The following TBCD variants were observed in gnomAD, a reference collection of about 807,000 sequenced individuals.
TBCD encodes the protein tubulin folding cofactor D.
Under a neutral mutation model 169.3 loss-of-function variants are expected in TBCD, and 105 were observed. The ratio of observed to expected loss-of-function variants is 0.62; its 90% CI spans 0.53 to 0.73. The LOEUF (loss-of-function observed/expected upper bound fraction) is 0.73, where lower values mean the gene tolerates loss of function less well. TBCD is among the 30% of genes least tolerant of loss of function. The pLI, the probability that TBCD is intolerant of heterozygous loss-of-function variation, is 0.00. For missense variants in TBCD, 1,444 were observed against 1,600.1 expected, an observed-to-expected ratio of 0.90 and a Z score of 1.66; for synonymous variants, 700 against 643.9, an observed-to-expected ratio of 1.09 and a Z score of -1.32.
rs749040277 is a variant in TBCD at position 82,930,794 on chromosome 17, A to G, written c.3113+151A>G. Among the ~76,000 whole-genome samples, 2 of 152,210 alleles carry G rather than the reference A, an allele frequency of 1.3e-5. No homozygotes were observed. Among genetic ancestry groups the G allele is most frequent in the Non-Finnish European group, 2.9e-5 (2 of 68,022 alleles). On this transcript the variant is annotated intron_variant, in intron 33 of 38. Coordinates refer to ENST00000355528, the MANE Select transcript of TBCD (RefSeq NM_005993.5). This position sits in a 1 kb window ranked among gnomAD's most constrained non-coding sequence, Gnocchi z 5.2. ...GTACCAGTTGGTGGCTCAGCGAGGA[A>G]GATGTGCCTGCAGCATATGGTTCTC...
chr17:82,861,778 T>C (rs1252448262), intron 13 of TBCD, among the ~76,000 whole-genome samples: 1 of 152,152 alleles, frequency 6.6e-6, no homozygotes, highest in Non-Finnish European at 1.5e-5. Context: ...ATGGCTAAGG[T>C]ATGGGAATTT....
chr17:82,811,783 C>T (rs1391922301), intron 12 of TBCD, among the ~76,000 whole-genome samples: 6 of 152,184 alleles, frequency 3.9e-5, no homozygotes, highest in South Asian at 2.1e-4. Flanking sequence ...GGGTGTGGGG[C>T]GGCCCACAGC....
chr17:82,907,571 G>C (rs947265734), intron 20 of TBCD, among the ~76,000 whole-genome samples, 190 bp from the exon 21 acceptor site: 10 of 152,176 alleles, frequency 6.6e-5, no homozygotes, highest in Admixed American at 1.3e-4. Flanking sequence ...AAAAATAATC[G>C]GAGGTATGTC....
At chr17:82,893,253 G>T in intron 16 of TBCD, 1 of 429,730 alleles carries the variant, frequency 2.3e-6, no homozygotes. Flanking sequence ...ATGTTTTCGG[G>T]AAAGGTCTCT....
In TBCD at chr17:82,794,774, A is replaced by G. The variant is rs1301109500; in HGVS notation, c.772-2983A>G. 2.6e-5 allele frequency among the ~76,000 whole-genome samples: 4 copies of G among 152,152 alleles called. No homozygotes were observed. The East Asian group carries it at 7.7e-4, about 29-fold the overall frequency. On this transcript the variant is annotated intron_variant, in intron 7 of 38. Transcript: ENST00000355528. ...CCTGTCGTCTCTTTTGCCCTCCTGCACCCATGCCTGGGAAAGTGGATAACT... is the reference window on the plus strand; with the variant it reads ...CCTGTCGTCTCTTTTGCCCTCCTGCGCCCATGCCTGGGAAAGTGGATAACT...
intron 11 of TBCD, among the ~76,000 whole-genome samples, chr17:82,808,552 A>C (rs1341608690): frequency 7.7e-5 from 1 of 13,016 alleles, no homozygotes; most frequent in Non-Finnish European, 1.5e-4. Context: ...GAGGGGTGGC[A>C]GGTCCTGGGG....
Position 82,809,722 on chromosome 17 carries a change from C to A in TBCD, c.1163C>A (p.Ala388Asp), listed in dbSNP as rs2051288115. ...TTCTCTTTCAGCATCGGTAGGATGG[C>A]TGGCAGGCTTCCCAGAGCCCTGGCG... ...WSAAKGIGRM[A>D]GRLPRALADD... The change falls in exon 12 of 39, where the codon GCT becomes GAT. Residue 388 changes from alanine (A) to aspartate (D), a missense_variant. Physicochemically the swap from Ala to Asp is moderately radical, Grantham distance 126. Transcript: ENST00000355528. 1 of 1,613,240 alleles carries A rather than the reference C, an allele frequency of 6.2e-7. No individual in the cohort carries two copies. The highest frequency in any genetic ancestry group is 1.3e-5 in the African/African-American group (1 of 75,004).
intron 36 of TBCD, 122 bp downstream of exon 36, chr17:82,938,258 C>T (rs767894240): frequency 4.5e-5 from 51 of 1,146,038 alleles, no homozygotes; most frequent in African/African-American, 1.8e-4. Flanking sequence ...CTCGTTAACG[C>T]GCCTGGGTGA....
chr17:82,838,591 C>T (rs2054186367), intron 13 of TBCD: 1 of 948,474 alleles, frequency 1.1e-6, no homozygotes, highest in Non-Finnish European at 1.3e-6. Flanking sequence ...CCATTGTCGC[C>T]TACCCACTGT....
chr17:82,790,504 G>A (rs2049637275), intron 7 of TBCD, among the ~76,000 whole-genome samples: 2 of 152,160 alleles, frequency 1.3e-5, no homozygotes, highest in African/African-American at 4.8e-5. Flanking sequence ...GTGTCCTGGT[G>A]TCTTTGCTTG....
Position 82,880,920 on chromosome 17 carries a change from C to T in TBCD, c.1476-3225C>T, listed in dbSNP as rs1011128620. Among the ~76,000 whole-genome samples, 2 of 147,880 alleles carry T rather than the reference C, an allele frequency of 1.4e-5. No individual in the cohort carries two copies. The highest frequency in any genetic ancestry group is 2.0e-4 in the East Asian group (1 of 5,036). ...GGGGTAGACTTTGGATGGCTCCAGG[C>T]GGAACTCGGGGAAGGAGGCCGTGTA... On this transcript the variant is annotated intron_variant, in intron 14 of 38. Coordinates refer to ENST00000355528, the MANE Select transcript of TBCD (RefSeq NM_005993.5). This position sits in a 1 kb window ranked among gnomAD's most constrained non-coding sequence, Gnocchi z 5.0.
intron 23 of TBCD, among the ~76,000 whole-genome samples, chr17:82,912,197 A>G (rs1031033601): frequency 4.0e-5 from 6 of 151,512 alleles, no homozygotes; most frequent in South Asian, 2.1e-4. Context: ...CGCAGGGACC[A>G]AGAGCCGTTT....
Position 82,945,173 on chromosome 17 carries a change from G to A in TBCD, c.*2710G>A, listed in dbSNP as rs906847678. On this transcript the variant is annotated 3_prime_UTR_variant, in exon 39 of 39. Coordinates refer to ENST00000355528, the MANE Select transcript of TBCD (RefSeq NM_005993.5). ...CCCCTAGAAATGTAAGAAGTGAAAT[G>A]AAAAGCTCAATGGATAGCTTAGACA... The A allele has an allele frequency of 1.3e-5, 2 of 152,228 alleles. No homozygotes were observed. Among genetic ancestry groups the A allele is most frequent in the African/African-American group, 4.8e-5 (2 of 41,470 alleles). 9.4% of individuals were successfully genotyped at this position (152,228 alleles called of 1,614,324 possible).
At chr17:82,899,005 G>A (rs1460378480) in intron 17 of TBCD, among the ~76,000 whole-genome samples, 12 of 152,336 alleles carry the variant, frequency 7.9e-5, no homozygotes, top group South Asian at 2.1e-4. Flanking sequence ...CCCTCGACGC[G>A]GAGCAGGGCT....
intron 13 of TBCD, among the ~76,000 whole-genome samples, chr17:82,848,014 C>T (rs1198994693): frequency 6.6e-6 from 1 of 152,210 alleles, no homozygotes; most frequent in Non-Finnish European, 1.5e-5. Context: ...GTCTGTTGCC[C>T]CTTTTTCCTA....
At chr17:82,898,239 G>A (rs1400571331) in intron 17 of TBCD, among the ~76,000 whole-genome samples, 51 of 69,284 alleles carry the variant, frequency 7.4e-4, no homozygotes, top group East Asian at 1.1e-3. Flanking sequence ...GGGAGCACAC[G>A]GCACGGCTCT....
At chr17:82,781,828 C>G in intron 7 of TBCD, 107 bp downstream of exon 7, 4 of 1,514,064 alleles carry the variant, frequency 2.6e-6, no homozygotes, top group Admixed American at 3.7e-5. Context: ...ATTGGAACCC[C>G]GTGGGATTGA....
intron 8 of TBCD, among the ~76,000 whole-genome samples, chr17:82,798,575 T>C (rs2050276147): frequency 6.6e-6 from 1 of 151,980 alleles, no homozygotes; most frequent in Admixed American, 6.6e-5. Context: ...AACTGGACTT[T>C]TTGTCACTTT....
At position 82,923,121 on chromosome 17, in the gene TBCD, G is replaced by T. The variant is rs2061517205; in HGVS notation, c.2179-531G>T. Among the ~76,000 whole-genome samples the T allele has an allele frequency of 6.6e-6, 1 of 152,234 alleles. No homozygotes were observed. On this transcript the variant is annotated intron_variant, in intron 25 of 38. Transcript: ENST00000355528. This position sits in a 1 kb window ranked among gnomAD's most constrained non-coding sequence, Gnocchi z 4.6. ...TGAGGCTGACGTGGCTTGGCCTGAA[G>T]GCCCTGCCCCGTTACTCTGGGTGCA...
Sources: allele counts gnomAD v4.1 joint callset (sites outside exome capture counted in the v4.1 genomes callset), GRCh38; gene constraint gnomAD v4.1.1; non-coding constraint Gnocchi (gnomAD v3.1); transcripts MANE v1.5; gene names NCBI Gene and HGNC (gene_info 2026-07-23, HGNC 2026-07-21).